ZNF385D: variants seen among roughly 807,000 people sequenced by gnomAD.
ZNF385D encodes zinc finger protein 659.
ZNF385D carries 15 observed loss-of-function variants against 35.8 expected under a neutral mutation model. The ratio of observed to expected loss-of-function variants is 0.42; its 90% CI spans 0.28 to 0.64. ZNF385D has a LOEUF of 0.64. ZNF385D is among the 30% of genes least tolerant of loss of function. The pLI, the probability that ZNF385D is intolerant of heterozygous loss-of-function variation, is 0.23. For synonymous variants in ZNF385D, 212 were observed against 186.8 expected (o/e 1.13, Z -1.10); for missense variants, 474 against 494.6 (o/e 0.96, Z 0.39).
At chr3:21,445,547 G>A (rs1702101105) in intron 4 of ZNF385D, among the ~76,000 whole-genome samples, 4 of 152,138 alleles carry the variant, frequency 2.6e-5, no homozygotes, top group Admixed American at 2.6e-4. Context: ...TAATATCAAA[G>A]CATTGTCCTT....
At chr3:21,798,119 G>A (rs538280378) in intron 3 of ZNF385D, among the ~76,000 whole-genome samples, 9 of 152,254 alleles carry the variant, frequency 5.9e-5, no homozygotes, top group Middle Eastern at 3.4e-3. Context: ...AAGACTATGC[G>A]TTAGTTGGGG....
rs193212215 is a variant in ZNF385D at position 22,212,769 on chromosome 3, T to C, written c.107-43734A>G. ...AAAAGAAATATTAGGACAGAGATAA[T>C]AGTATAGCTATAGTTAGCAAAGAAC... On this transcript the variant is annotated intron_variant, in intron 2 of 5. Transcript: ENST00000494108. 1.3e-3 allele frequency among the ~76,000 whole-genome samples: 195 copies of C among 152,140 alleles called. 1 individual carries two copies. Among genetic ancestry groups the C allele is most frequent in the African/African-American group, 4.4e-3 (182 of 41,542 alleles).
At chr3:21,579,579 A>T (rs534847288) in intron 2 of ZNF385D, 1 of 152,292 alleles carries the variant, frequency 6.6e-6, no homozygotes, top group Admixed American at 6.5e-5. Context: ...AGAAAGTCCT[A>T]TATTGGCCTT....
chr3:21,784,433 A>G (rs2071607515), intron 3 of ZNF385D, among the ~76,000 whole-genome samples: 1 of 152,122 alleles, frequency 6.6e-6, no homozygotes, highest in Non-Finnish European at 1.5e-5. Flanking sequence ...GTGTTAATAT[A>G]TAGATTTCAG....
At chr3:22,296,760 T>G (rs989244984) in intron 2 of ZNF385D, among the ~76,000 whole-genome samples, 1 of 152,054 alleles carries the variant, frequency 6.6e-6, no homozygotes, top group South Asian at 2.1e-4. Flanking sequence ...TAAGGTTAGG[T>G]TGAGTTTCCC....
intron 3 of ZNF385D, among the ~76,000 whole-genome samples, chr3:21,528,830 G>C (rs1156735342): frequency 1.3e-5 from 2 of 152,262 alleles, no homozygotes; most frequent in East Asian, 1.9e-4. Flanking sequence ...GAGAGTTCAT[G>C]AGCATATGGA....
chr3:21,750,940 C>A lies in ZNF385D; in HGVS notation c.-24G>T, dbSNP rs953072831. On this transcript the variant is annotated 5_prime_UTR_variant, in exon 1 of 8. Transcript: ENST00000281523. The stretch of plus-strand genomic sequence containing the variant: ...ATTAATCAGACAGCTGGAATCCCAC[C>A]GCGGTGTCTTCAGCATCAGCTCTCA... 4 of 1,613,976 alleles carry A rather than the reference C, an allele frequency of 2.5e-6. No homozygotes were observed. Among genetic ancestry groups the A allele is most frequent in the Non-Finnish European group, 2.5e-6 (3 of 1,180,018 alleles).
intron 2 of ZNF385D, among the ~76,000 whole-genome samples, chr3:21,607,292 G>A (rs1036371312): frequency 2.0e-5 from 3 of 152,034 alleles, no homozygotes; most frequent in East Asian, 1.9e-4. Context: ...ATGACTTAAC[G>A]TCATCCTCCA....
At chr3:21,803,523 A>C (rs1159208665) in intron 3 of ZNF385D, among the ~76,000 whole-genome samples, 1 of 152,188 alleles carries the variant, frequency 6.6e-6, no homozygotes, top group East Asian at 1.9e-4. Flanking sequence ...AAAATGTTTC[A>C]CATTTCAGCT....
intron 2 of ZNF385D, among the ~76,000 whole-genome samples, chr3:22,229,318 T>C (rs1698745025): frequency 6.6e-6 from 1 of 152,216 alleles, no homozygotes; most frequent in African/African-American, 2.4e-5. Context: ...CTGGATTAAC[T>C]CTGGGATGCC....
intron 3 of ZNF385D, among the ~76,000 whole-genome samples, chr3:21,884,757 A>C (rs190080732): frequency 4.9e-4 from 74 of 152,182 alleles, no homozygotes; most frequent in Non-Finnish European, 9.4e-4. Flanking sequence ...CTCCAGATCC[A>C]GTGACATTAT....
chr3:21,758,219 G>A (rs1411672928), intron 3 of ZNF385D, among the ~76,000 whole-genome samples: 2 of 152,200 alleles, frequency 1.3e-5, no homozygotes, highest in Non-Finnish European at 2.9e-5. Context: ...CCCTCCAGAA[G>A]AATGAAGGCT....
At chr3:22,225,710 T>C (rs1339386746) in intron 2 of ZNF385D, among the ~76,000 whole-genome samples, 1 of 152,200 alleles carries the variant, frequency 6.6e-6, no homozygotes, top group East Asian at 1.9e-4. Context: ...AACAACCAAA[T>C]AAACTACTTA....
chr3:21,644,726 G>C (rs1477687269), intron 2 of ZNF385D, among the ~76,000 whole-genome samples: 2 of 151,982 alleles, frequency 1.3e-5, no homozygotes, highest in Admixed American at 1.3e-4. Flanking sequence ...ATTAAGTTCG[G>C]TTTGAAGAAA....
rs549145715 is a variant in ZNF385D, at chr3:21,578,355, G to T, written c.166-13671C>A. On this transcript the variant is annotated intron_variant, in intron 2 of 7. Transcript: ENST00000281523. The stretch of plus-strand genomic sequence containing the variant: ...AGTATAATCCCATTTCTTTATTTTT[G>T]CCTTTGTTGACTGTACTTTTGAAGT... Among the ~76,000 whole-genome samples the T allele has an allele frequency of 2.6e-5, 4 of 151,914 alleles. No individual in the cohort carries two copies. In the South Asian group the frequency reaches 8.3e-4, roughly 32 times the overall value.
At chr3:22,213,376 T>A (rs943420516) in intron 2 of ZNF385D, among the ~76,000 whole-genome samples, 1 of 152,086 alleles carries the variant, frequency 6.6e-6, no homozygotes, top group African/African-American at 2.4e-5. Flanking sequence ...TGGACCAGAT[T>A]TGACCATTGG....
rs1197765876 is a variant in ZNF385D at position 21,439,087 on chromosome 3, G to A, written c.440-1884C>T. 3.3e-5 allele frequency among the ~76,000 whole-genome samples: 5 copies of A among 151,862 alleles called. No homozygotes were observed. The East Asian group carries it at 9.7e-4, about 29-fold the overall frequency. On this transcript the variant is annotated intron_variant, in intron 4 of 7. Transcript: ENST00000281523. ...ACAACAAGTAGCTAATTTGCGAAGTGTTTTACATACTTAAAATAACTGTAC... is the reference window on the plus strand; with the variant it reads ...ACAACAAGTAGCTAATTTGCGAAGTATTTTACATACTTAAAATAACTGTAC...
chr3:21,461,496 C>T (rs557805965), intron 4 of ZNF385D, among the ~76,000 whole-genome samples: 6 of 152,192 alleles, frequency 3.9e-5, no homozygotes, highest in South Asian at 2.1e-4. Context: ...TGCAGTGAGC[C>T]GAGCTCGTGC....
intron 2 of ZNF385D, among the ~76,000 whole-genome samples, chr3:22,227,450 G>T (rs1021027892): frequency 6.6e-6 from 1 of 152,146 alleles, no homozygotes; most frequent in Admixed American, 6.5e-5. Context: ...AGAAGAATCT[G>T]AACAGACATG....
Sources: gnomAD v4.1 joint callset for allele counts (sites outside exome capture counted in the v4.1 genomes callset) on GRCh38, gnomAD v4.1.1 for gene constraint, MANE v1.5 for transcripts, NCBI Gene and HGNC (gene_info 2026-07-23, HGNC 2026-07-21) for gene names.